Variants in ATP8B1 observed in about 807,000 individuals in gnomAD.
ATP8B1 encodes ATPase phospholipid transporting 8B1.
A neutral mutation model predicts 149.9 loss-of-function variants in ATP8B1; 80 were observed. That is an observed-to-expected ratio of 0.53 (90% confidence interval 0.45 to 0.64). The LOEUF (loss-of-function observed/expected upper bound fraction) is 0.64. Ranked by LOEUF, ATP8B1 falls within the 30% of genes least tolerant of loss-of-function variation. The pLI is 0.00. For synonymous variants in ATP8B1, 536 were observed against 562.8 expected (o/e 0.95, Z 0.67); for missense variants, 1,247 against 1,552.6 (o/e 0.80, Z 3.31).
In ATP8B1 at chr18:57,655,420, A is replaced by G. The variant is rs1909931957; in HGVS notation, c.2708-3T>C. ...TATTCCAACGCCAATGTGGGCAGCTATGGGGCAGAGGGAGAAAACACTGTG... is the reference window on the plus strand; with the variant it reads ...TATTCCAACGCCAATGTGGGCAGCTGTGGGGCAGAGGGAGAAAACACTGTG... On this transcript the variant is annotated splice_polypyrimidine_tract_variant and splice_region_variant and intron_variant, in intron 22 of 27. Coordinates refer to ENST00000648908, the MANE Select transcript of ATP8B1 (RefSeq NM_001374385.1). 3.1e-6 allele frequency: 5 copies of G among 1,613,590 alleles called. No homozygotes were observed. Among genetic ancestry groups the G allele is most frequent in the Non-Finnish European group, 4.2e-6 (5 of 1,179,432 alleles).
At chr18:57,662,352 A>G (rs1599083319) in intron 21 of ATP8B1, 131 bp downstream of exon 21, 1 of 1,132,250 alleles carries the variant, frequency 8.8e-7, no homozygotes, top group East Asian at 2.5e-5. Flanking sequence ...TCAAACTTGG[A>G]AAAACCACAC....
At chr18:57,766,209 G>A (rs12958271) in intron 1 of ATP8B1, among the ~76,000 whole-genome samples, 126,210 of 151,102 alleles carry the variant, frequency 0.84, 53,256 homozygotes, top group African/African-American at 0.92. Flanking sequence ...ACGCCTGGCT[G>A]ATTTTTTGTA....
chr18:57,713,392 GT>G (rs1913831898), intron 2 of ATP8B1, among the ~76,000 whole-genome samples: 1 of 151,260 alleles, frequency 6.6e-6, no homozygotes, highest in South Asian at 2.1e-4. Context: ...TGCCTCCTGG[GT>G]TCAAGCAATT....
chr18:57,661,696 C>CATATATATATAT (rs1555688767), intron 21 of ATP8B1, among the ~76,000 whole-genome samples: 2 of 90,400 alleles, frequency 2.2e-5, no homozygotes, highest in African/African-American at 8.1e-5. Flanking sequence ...CACACACACA[C>CATATATATATAT]ATATATATAT....
chr18:57,648,615 G>T lies in ATP8B1; in HGVS notation c.3629C>A (p.Ala1210Asp). Residue 1210 changes from alanine (A) to aspartate (D), a missense_variant, in exon 28 of 28, where the codon GCC (alanine) becomes GAC (aspartate). By Grantham distance (126) the Ala-to-Asp change is moderately radical (BLOSUM62 -2). Coordinates refer to ENST00000648908, the MANE Select transcript of ATP8B1 (RefSeq NM_001374385.1). ...CGCGTAGCCCCGCTGGTGCGAGAAG[G>T]CGTAGGCCGAGCGCCGCGTTGACAC... ...RGVSTRRSAYAFSHQRGYADL... is the reference protein window; with the variant it reads ...RGVSTRRSAYDFSHQRGYADL... 1 of 1,609,868 alleles carries T rather than the reference G, an allele frequency of 6.2e-7. No individual in the cohort carries two copies. The highest frequency in any genetic ancestry group is 8.5e-7 in the Non-Finnish European group (1 of 1,179,158).
chr18:57,691,981 A>G lies in ATP8B1; in HGVS notation c.1046T>C (p.Ile349Thr), dbSNP rs56214207. ...GATGGCAAGACCAGCAGAAAGCAGA[A>G]TAAGAACAACAAAGATCTAGAAGAC... The part of the protein sequence containing the change: ...YMVYTIFVVL[I>T]LLSAGLAIGH... The change falls in exon 12 of 28, where the codon ATT becomes ACT. Residue 349 changes from isoleucine (I) to threonine (T), a missense_variant. Physicochemically the swap from Ile to Thr is moderately conservative, Grantham distance 89 (BLOSUM62 -1). Coordinates refer to ENST00000648908, the MANE Select transcript of ATP8B1 (RefSeq NM_001374385.1). 1.8e-4 allele frequency: 296 copies of G among 1,613,570 alleles called. No individual in the cohort carries two copies. The highest frequency in any genetic ancestry group is 6.6e-4 in the Middle Eastern group (4 of 6,084).
chr18:57,772,829 G>T (rs1205032362), intron 1 of ATP8B1, among the ~76,000 whole-genome samples: 1 of 152,192 alleles, frequency 6.6e-6, no homozygotes, highest in Non-Finnish European at 1.5e-5. Flanking sequence ...GAAGAAGTGA[G>T]TTGGTTCCTG....
chr18:57,705,302 G>C lies in ATP8B1; in HGVS notation c.280-634C>G, dbSNP rs188470008. On this transcript the variant is annotated intron_variant, in intron 3 of 27. Transcript: ENST00000648908. Reference sequence around the variant, plus strand: ...AACAACATGGCCAAAGCCAGGAAAAGTGAGGCTTTTATTTAAGTGAGGAGA... The same window carrying C: ...AACAACATGGCCAAAGCCAGGAAAACTGAGGCTTTTATTTAAGTGAGGAGA... Among the ~76,000 whole-genome samples, 49 of 152,300 alleles carry C rather than the reference G, an allele frequency of 3.2e-4. 1 individual carries two copies. Among genetic ancestry groups the C allele is most frequent in the Middle Eastern group, 3.4e-3 (1 of 294 alleles).
chr18:57,727,078 CAAATAAAT>C (rs1165695764), intron 2 of ATP8B1, among the ~76,000 whole-genome samples: 1 of 152,020 alleles, frequency 6.6e-6, no homozygotes, highest in African/African-American at 2.4e-5. Flanking sequence ...GAGATTCTGT[CAAATAAAT>C]AAATAAACAA....
chr18:57,650,511 G>A lies in ATP8B1; in HGVS notation c.3401-14C>T. The A allele has an allele frequency of 1.9e-6, 3 of 1,611,898 alleles. No individual in the cohort carries two copies. The highest frequency in any genetic ancestry group is 2.5e-6 in the Non-Finnish European group (3 of 1,178,562). On this transcript the variant is annotated splice_polypyrimidine_tract_variant and intron_variant, in intron 26 of 27. Coordinates refer to ENST00000648908, the MANE Select transcript of ATP8B1 (RefSeq NM_001374385.1). ...TTGAAGCTGTGCCTGTAAAGAACAT[G>A]GCAAATGCATCACTGTGGTTCTTTT... is the stretch of plus-strand genomic sequence containing the variant.
intron 16 of ATP8B1, among the ~76,000 whole-genome samples, chr18:57,674,211 A>G (rs918302775): frequency 7.9e-6 from 1 of 126,756 alleles, no homozygotes; most frequent in Non-Finnish European, 1.6e-5. Context: ...GCACCACTGC[A>G]CTCCTGGGTG....
chr18:57,757,635 TC>T (rs1028021576), intron 1 of ATP8B1, among the ~76,000 whole-genome samples: 2 of 152,198 alleles, frequency 1.3e-5, no homozygotes, highest in Non-Finnish European at 2.9e-5. Context: ...AATGTTCTTT[TC>T]CCCCATCTCC....
At chr18:57,767,281 A>T (rs1237977951) in intron 1 of ATP8B1, among the ~76,000 whole-genome samples, 1 of 152,188 alleles carries the variant, frequency 6.6e-6, no homozygotes, top group Admixed American at 6.5e-5. Flanking sequence ...TGCCCCTCTA[A>T]TTCTCGCATC....
rs1341839248 is a variant in ATP8B1, at chr18:57,704,539, T to C, written c.393+16A>G. The stretch of plus-strand genomic sequence containing the variant: ...CACTATAATTCAAACAGATTTAAGA[T>C]AGCAAAGGGCATTACCTGTAAGATA... On this transcript the variant is annotated intron_variant, in intron 4 of 27. Transcript: ENST00000648908. 3 of 1,480,720 alleles carry C rather than the reference T, an allele frequency of 2.0e-6. No homozygotes were observed. Among genetic ancestry groups the C allele is most frequent in the East Asian group, 2.3e-5 (1 of 44,216 alleles). The allele number at this position is 1,480,720 out of a possible 1,614,324, so 91.7% of individuals were successfully genotyped here. A position where few individuals can be genotyped will look rare whatever the true frequency, so the allele number is the denominator to read the frequency against.
rs549264130 is a variant in ATP8B1, at chr18:57,761,363, C to T, written c.-25-29531G>A. On this transcript the variant is annotated intron_variant, in intron 1 of 27. Transcript: ENST00000648908. ...AAGAGTGGGAGAGAACTATTCTCTA[C>T]TCTAGCATGGCACCACGAGCAGTAC... Among the ~76,000 whole-genome samples, 128 of 152,250 alleles carry T rather than the reference C, an allele frequency of 8.4e-4. 4 individuals carry two copies. In the South Asian group the frequency reaches 0.024, roughly 29 times the overall value.
At chr18:57,713,188 TTTCTTTCTTTCC>T (rs1192741650) in intron 2 of ATP8B1, among the ~76,000 whole-genome samples, 4,928 of 102,584 alleles carry the variant, frequency 0.048, 170 homozygotes, top group Non-Finnish European at 0.065. Context: ...TCTTTCTTTC[TTTCTTTCTTTCC>T]TTCCTTCCTT....
At chr18:57,774,091 T>C (rs1259542330) in intron 1 of ATP8B1, among the ~76,000 whole-genome samples, 1 of 152,206 alleles carries the variant, frequency 6.6e-6, no homozygotes, top group African/African-American at 2.4e-5. Flanking sequence ...GCTGTCTCCC[T>C]GGTCCTGGAG....
In ATP8B1 at chr18:57,666,471, A is replaced by G. The variant is rs1310194228; in HGVS notation, c.2285+621T>C. On this transcript the variant is annotated intron_variant, in intron 20 of 27. Coordinates refer to ENST00000648908, the MANE Select transcript of ATP8B1 (RefSeq NM_001374385.1). ...CTAGAAAAAGCAAAATAGGACTATA[A>G]TTCATATTAATTTGCTAGCGATATT... is the stretch of plus-strand genomic sequence containing the variant. 4.0e-5 allele frequency among the ~76,000 whole-genome samples: 6 copies of G among 151,276 alleles called. No individual in the cohort carries two copies. In the East Asian group the frequency reaches 1.2e-3, roughly 29 times the overall value.
rs148631824 is a variant in ATP8B1, at chr18:57,653,597, T to C, written c.3015+395A>G. Among the ~76,000 whole-genome samples the C allele has an allele frequency of 5.9e-5, 9 of 151,982 alleles. 1 individual carries two copies. The East Asian group carries it at 1.7e-3, about 29-fold the overall frequency. The stretch of plus-strand genomic sequence containing the variant: ...CACCATGCCCTGCCTTCAGGTATCT[T>C]CATAGTAAGCTCTTACTGTCTAAAA... On this transcript the variant is annotated intron_variant, in intron 24 of 27. Transcript: ENST00000648908.
Sources: allele counts gnomAD v4.1 joint callset (sites outside exome capture counted in the v4.1 genomes callset), GRCh38; gene constraint gnomAD v4.1.1; transcripts MANE v1.5; gene names NCBI Gene and HGNC (gene_info 2026-07-23, HGNC 2026-07-21).